MYO16: variants seen among roughly 807,000 people sequenced by gnomAD.
MYO16 encodes the protein myosin XVI.
MYO16 carries 94 observed loss-of-function variants against 205.3 expected under a neutral mutation model. The observed-to-expected ratio is 0.46, with a 90% CI of 0.39 to 0.54. The LOEUF (loss-of-function observed/expected upper bound fraction) is 0.54, where lower values mean the gene tolerates loss of function less well. Among genes scored for constraint, MYO16 ranks in the 20% least tolerant of loss-of-function variants. The pLI, the probability that MYO16 is intolerant of heterozygous loss-of-function variation, is 0.00. For missense variants in MYO16, 2,315 were observed against 2,387.5 expected, an observed-to-expected ratio of 0.97 and a Z score of 0.63; for synonymous variants, 988 against 954.0, an observed-to-expected ratio of 1.04 and a Z score of -0.66.
Position 109,179,547 on chromosome 13 carries a change from C to G in MYO16, c.5329C>G (p.Pro1777Ala), listed in dbSNP as rs766224500. The G allele has an allele frequency of 1.2e-5, 19 of 1,613,030 alleles. No homozygotes were observed. Among genetic ancestry groups the G allele is most frequent in the Non-Finnish European group, 1.6e-5 (19 of 1,179,162 alleles). The stretch of plus-strand genomic sequence containing the variant: ...ATTTGTGTTGACCTCAATAGGTTTA[C>G]CTGAAGAAGATGGATACTCACGGTT... ...ENGNSISNGL[P>A]EEDGYSRLSI... Residue 1777 changes from proline (P) to alanine (A), a missense_variant, in exon 34 of 35, where the codon CCT becomes GCT. Pro to Ala is a conservative substitution (Grantham distance 27). Transcript: ENST00000457511.
At chr13:108,711,855 T>C (rs753153719) in intron 2 of MYO16, among the ~76,000 whole-genome samples, 10 of 152,178 alleles carry the variant, frequency 6.6e-5, no homozygotes, top group Non-Finnish European at 1.0e-4. Context: ...TTTAATTTTG[T>C]GTGTGTGGAA....
At chr13:108,523,409 G>A in the MYO16 span, among the ~76,000 whole-genome samples, 12 of 152,262 alleles carry the variant, frequency 7.9e-5, no homozygotes, top group Non-Finnish European at 1.2e-4. Flanking sequence ...TGCCCTGGCC[G>A]GCAGTCTCCC....
rs79217461 is a variant in MYO16 at position 108,640,306 on chromosome 13, A to C, written c.28+10434A>C. Among the ~76,000 whole-genome samples the C allele has an allele frequency of 1.7e-3, 265 of 152,308 alleles. 1 individual carries two copies. Among genetic ancestry groups the C allele is most frequent in the Non-Finnish European group, 2.7e-3 (182 of 68,038 alleles). ...AGATCACAGTGCAGGCAGGACCAGC[A>C]TCCTCTGGAGTAATCGATGAGGAGG... On this transcript the variant is annotated intron_variant, in intron 1 of 34. Transcript: ENST00000457511.
chr13:108,528,580 TCCC>T, the MYO16 span, among the ~76,000 whole-genome samples: 1 of 85,630 alleles, frequency 1.2e-5, no homozygotes. Flanking sequence ...TCCCCTCCCC[TCCC>T]CTTTCCCCTC....
intron 24 of MYO16, 54 bp downstream of exon 24, chr13:109,047,045 ATTTC>A: frequency 7.9e-7 from 1 of 1,268,602 alleles, no homozygotes; most frequent in Non-Finnish European, 1.1e-6. Context: ...TGCATCCGTT[ATTTC>A]TTTATCTCTG....
the MYO16 span, among the ~76,000 whole-genome samples, chr13:108,572,877 C>A: frequency 6.6e-6 from 1 of 152,148 alleles, no homozygotes; most frequent in African/African-American, 2.4e-5. Flanking sequence ...AATCTTCTGT[C>A]CAACCACAAC....
At chr13:108,497,207 C>A in the MYO16 span, among the ~76,000 whole-genome samples, 1 of 152,190 alleles carries the variant, frequency 6.6e-6, no homozygotes, top group African/African-American at 2.4e-5. Context: ...CTGGGACAAC[C>A]AGCTTCTTTC....
rs572137299 is a variant in MYO16, at chr13:108,671,063, G to C, written c.292+4914G>C. Reference sequence around the variant, plus strand: ...CTGATTTTTCAATTCAAAAGAAGCAGAGAGTAAATTTTTATTTGAATTAAT... The same window carrying C: ...CTGATTTTTCAATTCAAAAGAAGCACAGAGTAAATTTTTATTTGAATTAAT... On this transcript the variant is annotated intron_variant, in intron 2 of 34. Transcript: ENST00000457511. Among the ~76,000 whole-genome samples, 5 of 152,348 alleles carry C rather than the reference G, an allele frequency of 3.3e-5. No individual in the cohort carries two copies. The East Asian group carries it at 9.6e-4, about 29-fold the overall frequency.
At chr13:108,719,425 T>A (rs1233733273) in intron 3 of MYO16, among the ~76,000 whole-genome samples, 1 of 152,106 alleles carries the variant, frequency 6.6e-6, no homozygotes, top group Admixed American at 6.5e-5. Flanking sequence ...CCATTCCTCC[T>A]CAATATCACT....
chr13:108,742,240 C>T (rs115830394), intron 4 of MYO16, among the ~76,000 whole-genome samples: 123 of 152,152 alleles, frequency 8.1e-4, no homozygotes, highest in African/African-American at 2.8e-3. Flanking sequence ...GTAACCCAGC[C>T]AACTCAGCCT....
chr13:109,179,896 A>T (rs1879384211), intron 34 of MYO16, among the ~76,000 whole-genome samples: 1 of 152,318 alleles, frequency 6.6e-6, no homozygotes, highest in Non-Finnish European at 1.5e-5. Context: ...GATTTAATTT[A>T]TATTGTGGTA....
chr13:108,827,178 T>C (rs182369034), intron 9 of MYO16, among the ~76,000 whole-genome samples: 8 of 152,326 alleles, frequency 5.3e-5, no homozygotes, highest in Admixed American at 4.6e-4. Flanking sequence ...ATCTGAATCA[T>C]GGCTGCTCAT....
intron 27 of MYO16, among the ~76,000 whole-genome samples, chr13:109,093,840 G>A (rs1041371857): frequency 6.6e-6 from 1 of 151,946 alleles, no homozygotes; most frequent in Non-Finnish European, 1.5e-5. Flanking sequence ...CTCTCCAGCC[G>A]CACTCAGCCT....
intron 31 of MYO16, among the ~76,000 whole-genome samples, chr13:109,136,038 A>G (rs952269574): frequency 1.3e-5 from 2 of 151,684 alleles, no homozygotes; most frequent in African/African-American, 4.8e-5. Flanking sequence ...CTTGGAAGTC[A>G]TTTCTTTTCT....
chr13:108,696,066 AAAT>A (rs1883079939), intron 2 of MYO16, among the ~76,000 whole-genome samples: 1 of 152,232 alleles, frequency 6.6e-6, no homozygotes, highest in Non-Finnish European at 1.5e-5. Flanking sequence ...TGGTTTCATT[AAAT>A]AATCAATAAT....
intron 4 of MYO16, among the ~76,000 whole-genome samples, chr13:108,769,024 A>T (rs1046023896): frequency 2.6e-4 from 39 of 152,200 alleles, no homozygotes; most frequent in Non-Finnish European, 3.1e-4. Flanking sequence ...ATTATTAATA[A>T]TGTATTTATT....
At chr13:108,723,297 T>A (rs1884229856) in intron 3 of MYO16, among the ~76,000 whole-genome samples, 1 of 152,182 alleles carries the variant, frequency 6.6e-6, no homozygotes, top group Non-Finnish European at 1.5e-5. Context: ...TTGTCTTAGG[T>A]TATGGCTTGT....
At chr13:108,575,345 T>A in the MYO16 span, among the ~76,000 whole-genome samples, 1 of 152,136 alleles carries the variant, frequency 6.6e-6, no homozygotes, top group South Asian at 2.1e-4. Flanking sequence ...ACATCATACA[T>A]CCTTTGCCTG....
intron 1 of MYO16, among the ~76,000 whole-genome samples, chr13:108,646,859 G>A (rs1880778427): frequency 6.6e-6 from 1 of 152,020 alleles, no homozygotes; most frequent in African/African-American, 2.4e-5. Context: ...ACTTCTGCTT[G>A]TGTATATAAA....
Sources: gnomAD v4.1 joint callset for allele counts (sites outside exome capture counted in the v4.1 genomes callset) on GRCh38, gnomAD v4.1.1 for gene constraint, MANE v1.5 for transcripts, NCBI Gene and HGNC (gene_info 2026-07-23, HGNC 2026-07-21) for gene names.